DNAJA3: variants seen among roughly 807,000 people sequenced by gnomAD.
DNAJA3 encodes the protein DnaJ heat shock protein family (Hsp40) member A3, also known as dnaJ homolog subfamily A member 3, mitochondrial.
Under a neutral mutation model 54.9 loss-of-function variants are expected in DNAJA3, and 29 were observed. The observed-to-expected ratio is 0.53, with a 90% CI of 0.39 to 0.72. DNAJA3 has a LOEUF of 0.72. DNAJA3 is among the 30% of genes least tolerant of loss of function. The probability of loss-of-function intolerance (pLI) is 0.00; values close to 1 mark genes in which losing one functional copy is unlikely to be tolerated. For synonymous variants in DNAJA3, 302 were observed against 251.4 expected (o/e 1.20, Z -1.90); for missense variants, 708 against 639.4 (o/e 1.11, Z -1.16).
chr16:4,442,524 G>A (rs1024069230), intron 5 of DNAJA3, 104 bp downstream of exon 5: 2 of 1,329,336 alleles, frequency 1.5e-6, no homozygotes, highest in African/African-American at 1.5e-5. Context: ...AATTGGGGGA[G>A]TTGGTGAACT....
chr16:4,437,462 TC>T lies in DNAJA3; in HGVS notation c.409del (p.Gln137SerfsTer9). 2 of 1,614,048 alleles carry T rather than the reference TC, an allele frequency of 1.2e-6. No homozygotes were observed. Among genetic ancestry groups the T allele is most frequent in the Non-Finnish European group, 1.7e-6 (2 of 1,180,002 alleles). Reference protein sequence around the residue: ...KDDPKAKEKFSQLAEAYEVLS... With the variant: ...KDDPKAKEKFXQLAEAYEVLS... ...TGATCCCAAAGCCAAGGAGAAGTTCTCCCAGCTGGCAGAAGCCTATGAGGTA... is the reference window on the plus strand; with the variant it reads ...TGATCCCAAAGCCAAGGAGAAGTTCTCCAGCTGGCAGAAGCCTATGAGGTA... On this transcript the variant is annotated frameshift_variant, in exon 3 of 12. Coordinates refer to ENST00000262375, the MANE Select transcript of DNAJA3 (RefSeq NM_005147.6). LOFTEE classifies it high-confidence loss of function.
At chr16:4,450,349 T>C (rs1342283230) in intron 9 of DNAJA3, 51 bp from the exon 10 acceptor site, 1 of 1,500,970 alleles carries the variant, frequency 6.7e-7, no homozygotes, top group African/African-American at 1.4e-5. Context: ...GTGAGTTCTT[T>C]CCAAAGCTTC....
rs562848128 is a variant in DNAJA3 at position 4,433,692 on chromosome 16, C to T, written c.212-692C>T. 8.5e-5 allele frequency among the ~76,000 whole-genome samples: 13 copies of T among 152,198 alleles called. 1 individual carries two copies. In the South Asian group the frequency reaches 2.7e-3, roughly 32 times the overall value. The stretch of plus-strand genomic sequence containing the variant: ...GAAAAATATGAAAATATGAAAATAC[C>T]TAGCAAATGGTAAGTGCTCATGTGG... On this transcript the variant is annotated intron_variant, in intron 1 of 11. Coordinates refer to ENST00000262375, the MANE Select transcript of DNAJA3 (RefSeq NM_005147.6).
Position 4,425,988 on chromosome 16 carries a change from G to C in DNAJA3, c.107G>C (p.Gly36Ala), listed in dbSNP as rs1416450548. The part of the protein sequence containing the change: ...GARPPREGVV[G>A]AWLSRKLSVP... ...CGGCCGCCCAGGGAGGGCGTGGTGGGGGCATGGCTGAGCCGCAAGCTGAGC... is the reference window on the plus strand; with the variant it reads ...CGGCCGCCCAGGGAGGGCGTGGTGGCGGCATGGCTGAGCCGCAAGCTGAGC... Residue 36 changes from glycine to alanine, a missense_variant, in exon 1 of 12, where the codon GGG becomes GCG. By Grantham distance (60) the Gly-to-Ala change is moderately conservative. Coordinates refer to ENST00000262375, the MANE Select transcript of DNAJA3 (RefSeq NM_005147.6). 1.9e-6 allele frequency: 3 copies of C among 1,600,670 alleles called. No homozygotes were observed. In the South Asian group the frequency reaches 3.4e-5, roughly 18 times the overall value.
intron 5 of DNAJA3, 82 bp downstream of exon 5, chr16:4,442,502 A>C: frequency 7.0e-7 from 1 of 1,430,724 alleles, no homozygotes; most frequent in Non-Finnish European, 9.3e-7. Context: ...CTCCCAGAGA[A>C]CGTATGCTGG....
chr16:4,454,797 C>T lies in DNAJA3; in HGVS notation c.1340-14C>T. 2 of 1,598,364 alleles carry T rather than the reference C, an allele frequency of 1.3e-6. No homozygotes were observed. Among genetic ancestry groups the T allele is most frequent in the Non-Finnish European group, 8.6e-7 (1 of 1,166,350 alleles). On this transcript the variant is annotated splice_polypyrimidine_tract_variant and intron_variant, in intron 10 of 11. Transcript: ENST00000262375. ...AGGCCCATGACGCCAGTTCTTTCTG[C>T]TGTTTGTGCCCAGGTGGCAGCACCA... is the stretch of plus-strand genomic sequence containing the variant.
intron 4 of DNAJA3, 111 bp from the exon 5 acceptor site, chr16:4,442,157 G>T: frequency 8.6e-7 from 1 of 1,167,476 alleles, no homozygotes. Flanking sequence ...AAGTACAGTG[G>T]TGAAAGAGTG....
Position 4,429,178 on chromosome 16 carries a change from C to T in DNAJA3, c.211+3086C>T, listed in dbSNP as rs534960448. 7.6e-4 allele frequency among the ~76,000 whole-genome samples: 115 copies of T among 151,782 alleles called. 1 individual carries two copies. The highest frequency in any genetic ancestry group is 5.5e-3 in the Admixed American group (83 of 15,220). On this transcript the variant is annotated intron_variant, in intron 1 of 11. Transcript: ENST00000262375. ...CTGGGATTACAGGTGTGAGCCACCG[C>T]GCCCGGCCAAGATTTTTTTTGTTTG... is the stretch of plus-strand genomic sequence containing the variant.
At chr16:4,428,269 G>A (rs961846677) in intron 1 of DNAJA3, among the ~76,000 whole-genome samples, 1 of 151,938 alleles carries the variant, frequency 6.6e-6, no homozygotes, top group Non-Finnish European at 1.5e-5. Flanking sequence ...ATTTTGAGAT[G>A]GACTCTTGCT....
intron 1 of DNAJA3, among the ~76,000 whole-genome samples, chr16:4,430,116 C>T (rs958042922): frequency 6.6e-6 from 1 of 151,516 alleles, no homozygotes; most frequent in African/African-American, 2.4e-5. Context: ...TGAATTTGGC[C>T]TAGGCAACAT....
intron 1 of DNAJA3, among the ~76,000 whole-genome samples, chr16:4,432,631 C>G (rs1418094146): frequency 6.6e-6 from 1 of 152,106 alleles, no homozygotes; most frequent in African/African-American, 2.4e-5. Flanking sequence ...CAGGAGCCAC[C>G]ATACCCGGCC....
At chr16:4,442,544 T>C (rs1596366244) in intron 5 of DNAJA3, 124 bp downstream of exon 5, 1 of 1,207,702 alleles carries the variant, frequency 8.3e-7, no homozygotes, top group African/African-American at 1.6e-5. Flanking sequence ...TCAGCCTGGC[T>C]GTCTTTCCCC....
intron 3 of DNAJA3, among the ~76,000 whole-genome samples, chr16:4,438,182 C>T (rs1157546586): frequency 1.3e-5 from 2 of 152,068 alleles, no homozygotes; most frequent in South Asian, 2.1e-4. Flanking sequence ...CCGGGCATGG[C>T]GGCATGCGCC....
intron 11 of DNAJA3, among the ~76,000 whole-genome samples, chr16:4,455,292 G>A (rs181978343): frequency 3.3e-5 from 5 of 152,262 alleles, no homozygotes; most frequent in African/African-American, 7.2e-5. Context: ...ATCTCCTCAC[G>A]TCCTGCCTGC....
At chr16:4,427,975 G>A (rs1043047131) in intron 1 of DNAJA3, among the ~76,000 whole-genome samples, 2 of 150,356 alleles carry the variant, frequency 1.3e-5, no homozygotes, top group South Asian at 2.1e-4. Flanking sequence ...TTTTTGAGAC[G>A]GAGTCTCGCT....
intron 3 of DNAJA3, among the ~76,000 whole-genome samples, chr16:4,439,076 TCTATAATCC>T (rs2056808529): frequency 6.6e-6 from 1 of 151,636 alleles, no homozygotes; most frequent in Non-Finnish European, 1.5e-5. Context: ...GTGGCTTACG[TCTATAATCC>T]CTATAATCCC....
intron 7 of DNAJA3, among the ~76,000 whole-genome samples, chr16:4,445,081 A>G (rs1188462767): frequency 6.6e-6 from 1 of 152,200 alleles, no homozygotes; most frequent in South Asian, 2.1e-4. Flanking sequence ...GTTTTCTGAG[A>G]TGGTGGAAAC....
chr16:4,454,870 G>A lies in DNAJA3; in HGVS notation c.1399G>A (p.Glu467Lys), dbSNP rs201131890. ...GGCTAGGCGTGAGGCTGGGGAGGAC[G>A]AGGAGGGATTCCTTTCCAAACTTAA... ...SKARREAGED[E>K]EGFLSKLKKM... Residue 467 changes from glutamate to lysine, a missense_variant, in exon 11 of 12, where the codon GAG (glutamate) becomes AAG (lysine). Coordinates refer to ENST00000262375, the MANE Select transcript of DNAJA3 (RefSeq NM_005147.6). 9 of 1,614,010 alleles carry A rather than the reference G, an allele frequency of 5.6e-6. No homozygotes were observed. The highest frequency in any genetic ancestry group is 1.7e-5 in the Admixed American group (1 of 59,994).
chr16:4,434,795 T>C (rs202008839), intron 2 of DNAJA3, among the ~76,000 whole-genome samples: 102 of 152,238 alleles, frequency 6.7e-4, no homozygotes, highest in East Asian at 4.6e-3. Flanking sequence ...CTGTATTTTC[T>C]GAATCAGTAG....
Sources: gnomAD v4.1 joint callset for allele counts (sites outside exome capture counted in the v4.1 genomes callset) on GRCh38, gnomAD v4.1.1 for gene constraint, MANE v1.5 for transcripts, NCBI Gene and HGNC (gene_info 2026-07-23, HGNC 2026-07-21) for gene names.